AKAP8L: variants seen among roughly 807,000 people sequenced by gnomAD.
The protein encoded by AKAP8L is A-kinase anchoring protein 8 like.
Under a neutral mutation model 77.5 loss-of-function variants are expected in AKAP8L, and 34 were observed. The ratio of observed to expected loss-of-function variants is 0.44; its 90% CI spans 0.33 to 0.58. AKAP8L has a LOEUF of 0.58. AKAP8L is among the 20% of genes least tolerant of loss of function. The pLI is 0.02. For missense variants in AKAP8L, 806 were observed against 887.6 expected (o/e 0.91, Z 1.17); for synonymous variants, 342 against 340.7 (o/e 1.00, Z -0.04).
chr19:15,416,818 G>A (rs543351865), intron 1 of AKAP8L, among the ~76,000 whole-genome samples: 3 of 152,252 alleles, frequency 2.0e-5, no homozygotes, highest in African/African-American at 4.8e-5. Context: ...AGGTAACAGG[G>A]TTCAAAAGCA....
intron 12 of AKAP8L, among the ~76,000 whole-genome samples, chr19:15,382,254 G>A (rs1327766164): frequency 6.6e-6 from 1 of 150,710 alleles, no homozygotes; most frequent in Non-Finnish European, 1.5e-5. Flanking sequence ...CGCCCAGGCT[G>A]GAGTGCAGGG....
At chr19:15,410,005 T>C (rs1337315798) in intron 2 of AKAP8L, among the ~76,000 whole-genome samples, 1 of 152,072 alleles carries the variant, frequency 6.6e-6, no homozygotes, top group Non-Finnish European at 1.5e-5. Context: ...TGCAGTGGCA[T>C]GATATCGGCT....
chr19:15,395,730 A>G (rs1382663902), intron 12 of AKAP8L, among the ~76,000 whole-genome samples: 1 of 147,608 alleles, frequency 6.8e-6, no homozygotes, highest in Non-Finnish European at 1.5e-5. Flanking sequence ...CACGCCTGTA[A>G]TCCCAGCACT....
Position 15,380,561 on chromosome 19 carries a change from G to GA in AKAP8L, c.1587dup (p.Leu530SerfsTer34). On this transcript the variant is annotated frameshift_variant, in exon 13 of 14. Coordinates refer to ENST00000397410, the MANE Select transcript of AKAP8L (RefSeq NM_014371.4). LOFTEE classifies it high-confidence loss of function. ...TTCTTGCTGATGAGCTTGTTGTTGA[G>GA]AATACTGCGGGCCACCATGAGGGAG... The GA allele has an allele frequency of 3.1e-6, 5 of 1,613,924 alleles. No homozygotes were observed. Among genetic ancestry groups the GA allele is most frequent in the Non-Finnish European group, 4.2e-6 (5 of 1,179,884 alleles).
At chr19:15,393,903 CA>C (rs35729766) in intron 12 of AKAP8L, among the ~76,000 whole-genome samples, 69,015 of 96,434 alleles carry the variant, frequency 0.72, 22,535 homozygotes, top group East Asian at 0.92. Flanking sequence ...ATCTCTGTCT[CA>C]AAAAAAAAAA....
intron 2 of AKAP8L, among the ~76,000 whole-genome samples, chr19:15,408,900 G>T (rs887847598): frequency 6.6e-6 from 1 of 151,658 alleles, no homozygotes; most frequent in Non-Finnish European, 1.5e-5. Flanking sequence ...AGAAAAAATG[G>T]TTTTGTTTTT....
intron 12 of AKAP8L, among the ~76,000 whole-genome samples, chr19:15,387,713 C>T (rs550834611): frequency 6.6e-6 from 1 of 152,318 alleles, no homozygotes; most frequent in East Asian, 1.9e-4. Context: ...GTAATCCCAG[C>T]ACCTTGTGAG....
chr19:15,399,123 G>A lies in AKAP8L; in HGVS notation c.1157+179C>T, dbSNP rs1967836318. 1 of 624,658 alleles carries A rather than the reference G, an allele frequency of 1.6e-6. No individual in the cohort carries two copies. Among genetic ancestry groups the A allele is most frequent in the South Asian group, 1.9e-5 (1 of 51,848 alleles). The allele number at this position is 624,658 out of a possible 1,614,324, so 38.7% of individuals were successfully genotyped here. On this transcript the variant is annotated intron_variant, in intron 9 of 13. Transcript: ENST00000397410. This position sits in a 1 kb window ranked among gnomAD's most constrained non-coding sequence, Gnocchi z 6.1. Reference sequence around the variant, plus strand: ...GTCGCCAGGCGGCCGCAGAGGGGCAGGGGATGAGTCAGGCCTTGGGAGCTG... The same window carrying A: ...GTCGCCAGGCGGCCGCAGAGGGGCAAGGGATGAGTCAGGCCTTGGGAGCTG...
chr19:15,400,905 A>G (rs1204360643), intron 6 of AKAP8L, 41 bp from the exon 7 acceptor site: 3 of 1,613,804 alleles, frequency 1.9e-6, no homozygotes, highest in Non-Finnish European at 2.5e-6. Context: ...AGGAGTTCCC[A>G]GAGGCAGGGG....
At chr19:15,400,220 G>T (rs1296945835) in intron 8 of AKAP8L, 75 bp downstream of exon 8, 38 of 1,495,192 alleles carry the variant, frequency 2.5e-5, no homozygotes, top group Non-Finnish European at 3.5e-5. Context: ...CCGCAACCCT[G>T]CCCTCAGCTG....
intron 12 of AKAP8L, among the ~76,000 whole-genome samples, chr19:15,392,313 T>G (rs893301540): frequency 2.0e-5 from 3 of 151,594 alleles, no homozygotes; most frequent in Non-Finnish European, 4.4e-5. Context: ...CTGGGCAACA[T>G]GGTGAAACCC....
intron 12 of AKAP8L, among the ~76,000 whole-genome samples, chr19:15,396,483 C>T (rs1319083015): frequency 6.6e-6 from 1 of 152,188 alleles, no homozygotes; most frequent in Non-Finnish European, 1.5e-5. Flanking sequence ...TTCTCCATGC[C>T]GCACAACACA....
At chr19:15,389,434 T>C (rs1008391565) in intron 12 of AKAP8L, among the ~76,000 whole-genome samples, 2 of 152,090 alleles carry the variant, frequency 1.3e-5, no homozygotes, top group South Asian at 4.1e-4. Flanking sequence ...GAAGAAACAA[T>C]GGCTGAAAGC....
At chr19:15,400,434 A>C in intron 7 of AKAP8L, 76 bp from the exon 8 acceptor site, 1 of 1,420,574 alleles carries the variant, frequency 7.0e-7, no homozygotes, top group African/African-American at 1.4e-5. Flanking sequence ...TTATTAGAGC[A>C]ACGGTATATA....
intron 1 of AKAP8L, among the ~76,000 whole-genome samples, chr19:15,418,160 G>T (rs1369257385): frequency 6.6e-6 from 1 of 152,158 alleles, no homozygotes; most frequent in Non-Finnish European, 1.5e-5. Flanking sequence ...AGCGACCCCC[G>T]CACGGTACTG....
At position 15,397,273 on chromosome 19, in the gene AKAP8L, G is replaced by T. The variant is rs745985384; in HGVS notation, c.1413C>A (p.Ala471=). The T allele has an allele frequency of 6.2e-7, 1 of 1,613,932 alleles. No homozygotes were observed. Among genetic ancestry groups the T allele is most frequent in the African/African-American group, 1.3e-5 (1 of 75,046 alleles). The stretch of plus-strand genomic sequence containing the variant: ...CCACCTTCTTCACAAAATGCTCCAT[G>T]GCAATTTCTGTAGTGGGGAGGAGGG... ...YRDQDLTQEI[A]MEHFVKKVEA... is the part of the protein sequence containing the mutation. Residue 471 remains alanine (A), a synonymous_variant, in exon 12 of 14, where the codon GCC becomes GCA. Transcript: ENST00000397410. The surrounding 1 kb of genome is among the most constrained non-coding windows in gnomAD (Gnocchi z 4.7).
chr19:15,383,685 C>A (rs980098378), intron 12 of AKAP8L: 3 of 152,104 alleles, frequency 2.0e-5, no homozygotes, highest in Admixed American at 6.5e-5. Context: ...TTTTTAATTG[C>A]AGCAGCTTTG....
In AKAP8L at chr19:15,389,989, A is replaced by T. The variant is rs546685831; in HGVS notation, c.1536+7161T>A. On this transcript the variant is annotated intron_variant, in intron 12 of 13. Coordinates refer to ENST00000397410, the MANE Select transcript of AKAP8L (RefSeq NM_014371.4). The stretch of plus-strand genomic sequence containing the variant: ...TAGTGGCAAGACCCTGTCTCTATTT[A>T]TTTTTTTTTAATCAAAAAAGGGAAC... 1.5e-3 allele frequency among the ~76,000 whole-genome samples: 226 copies of T among 151,208 alleles called. 1 individual carries two copies. The highest frequency in any genetic ancestry group is 3.4e-3 in the Middle Eastern group (1 of 290).
intron 12 of AKAP8L, among the ~76,000 whole-genome samples, chr19:15,384,871 TTTTTTG>T (rs1198311035): frequency 1.3e-5 from 2 of 152,306 alleles, no homozygotes; most frequent in African/African-American, 2.4e-5. Flanking sequence ...TATTGCTAGA[TTTTTTG>T]TTTTTGTTTT....
Sources: gnomAD v4.1 joint callset for allele counts (sites outside exome capture counted in the v4.1 genomes callset) on GRCh38, gnomAD v4.1.1 for gene constraint, Gnocchi (gnomAD v3.1) non-coding constraint, MANE v1.5 for transcripts, NCBI Gene and HGNC (gene_info 2026-07-23, HGNC 2026-07-21) for gene names.